The following ARSG variants were observed in gnomAD, a reference collection of about 807,000 sequenced individuals.
ARSG encodes the protein arylsulfatase G, also known as ASG.
A neutral mutation model predicts 50.5 loss-of-function variants in ARSG; 37 were observed. The ratio of observed to expected loss-of-function variants is 0.73; its 90% confidence interval spans 0.56 to 0.96. The LOEUF (loss-of-function observed/expected upper bound fraction) is 0.96. ARSG is among the 50% of genes least tolerant of loss of function. ARSG has a pLI of 0.00. For synonymous variants in ARSG, 225 were observed against 254.6 expected (o/e 0.88, Z 1.11); for missense variants, 629 against 675.3 (o/e 0.93, Z 0.76).
chr17:68,421,654 A>C (rs2082781493), downstream of ARSG: 15 of 1,395,126 alleles, frequency 1.1e-5, no homozygotes, highest in East Asian at 2.3e-5. Flanking sequence ...GCAGTGGAGC[A>C]CCCGGGATTC....
At chr17:68,425,924 C>T (rs56196726), downstream of ARSG, 59 of 659,946 alleles carry the variant, frequency 8.9e-5, 1 homozygote, top group African/African-American at 7.5e-4. Context: ...CACAGTACAA[C>T]AAATATCCTA....
rs1310368565 is a variant in ARSG, at chr17:68,367,976, G to A, written c.705-572G>A. On this transcript the variant is annotated intron_variant, in intron 6 of 11. Transcript: ENST00000621439. This position sits in a 1 kb window ranked among gnomAD's most constrained non-coding sequence, Gnocchi z 4.5. ...TTCCAGCTACTCAGGAGGCTGAGGC[G>A]GGAGTATCGCTTGAACCCAGGAGGC... 6.6e-5 allele frequency among the ~76,000 whole-genome samples: 10 copies of A among 152,090 alleles called. No homozygotes were observed. Among genetic ancestry groups the A allele is most frequent in the Middle Eastern group, 3.2e-3 (1 of 316 alleles).
intron 2 of ARSG, among the ~76,000 whole-genome samples, chr17:68,338,199 T>C (rs2078113530): frequency 6.6e-6 from 1 of 151,744 alleles, no homozygotes; most frequent in African/African-American, 2.4e-5. Context: ...TGTGTGTGTG[T>C]GCATGCATGT....
rs140021516 is a variant in ARSG at position 68,310,996 on chromosome 17, A to G, written c.218+3285A>G. 5.8e-4 allele frequency among the ~76,000 whole-genome samples: 89 copies of G among 152,298 alleles called. 1 individual carries two copies. In the Middle Eastern group the frequency reaches 0.014, roughly 23 times the overall value. On this transcript the variant is annotated intron_variant, in intron 2 of 11. Coordinates refer to ENST00000621439, the MANE Select transcript of ARSG (RefSeq NM_001267727.2). ...TGGGCACATCACTTGACAGGAGTTC[A>G]AGACCAGCCTGGCCAACATGGCGAA...
chr17:68,417,732 A>ATT (rs1228418754), intron 11 of ARSG, among the ~76,000 whole-genome samples: 6 of 63,188 alleles, frequency 9.5e-5, no homozygotes, highest in Non-Finnish European at 1.7e-4. Flanking sequence ...AGAGTTGCTG[A>ATT]ATTTTTTTTT....
chr17:68,349,576 T>G (rs139663665), intron 4 of ARSG, among the ~76,000 whole-genome samples: 28 of 152,112 alleles, frequency 1.8e-4, no homozygotes, highest in African/African-American at 4.8e-4. Context: ...CATGAAGATA[T>G]CAATTTTTTA....
the ARSG span, among the ~76,000 whole-genome samples, chr17:68,450,523 G>C: frequency 1.3e-5 from 2 of 152,216 alleles, no homozygotes; most frequent in African/African-American, 4.8e-5. Flanking sequence ...GGAAACATGA[G>C]CCAGAGGTCT....
chr17:68,315,674 C>G (rs923337719), intron 2 of ARSG, among the ~76,000 whole-genome samples: 1 of 152,134 alleles, frequency 6.6e-6, no homozygotes, highest in East Asian at 1.9e-4. Context: ...GCTCTATCGC[C>G]TAGGCTGGAG....
At chr17:68,434,748 G>A in the ARSG span, 90,302 of 910,482 alleles carry the variant, frequency 0.099, 5,462 homozygotes, top group South Asian at 0.19. Flanking sequence ...AGAACACCAC[G>A]TTGAGCATAG....
the ARSG span, among the ~76,000 whole-genome samples, chr17:68,443,415 C>T: frequency 6.6e-6 from 1 of 152,124 alleles, no homozygotes; most frequent in Non-Finnish European, 1.5e-5. Flanking sequence ...ACCCGGCTAG[C>T]TTTGTTCTTT....
chr17:68,413,198 T>C (rs1435065539), intron 11 of ARSG, among the ~76,000 whole-genome samples: 1 of 152,236 alleles, frequency 6.6e-6, no homozygotes, highest in African/African-American at 2.4e-5. Flanking sequence ...AGAGGCGCTC[T>C]GCTTTTTAGA....
intron 2 of ARSG, among the ~76,000 whole-genome samples, chr17:68,313,267 A>T (rs561465405): frequency 6.6e-6 from 1 of 152,172 alleles, no homozygotes; most frequent in Non-Finnish European, 1.5e-5. Flanking sequence ...TCTCAAAAAA[A>T]ACAAAAATAA....
At chr17:68,322,325 G>A (rs4023107) in intron 2 of ARSG, among the ~76,000 whole-genome samples, 24,563 of 152,146 alleles carry the variant, frequency 0.16, 2,213 homozygotes, top group Middle Eastern at 0.26. Flanking sequence ...ACTGCATCCC[G>A]CTGTAGAAAT....
chr17:68,274,706 A>T (rs2145004837), intron 1 of ARSG: 1 of 152,186 alleles, frequency 6.6e-6, no homozygotes, highest in Middle Eastern at 3.4e-3. Flanking sequence ...TGATTGCTTG[A>T]ATTATTTTTT....
the ARSG span, among the ~76,000 whole-genome samples, chr17:68,436,993 CAAAAAAAA>C: frequency 0.61 from 75,333 of 124,318 alleles, 19,942 homozygotes; most frequent in African/African-American, 0.68. Context: ...GACCCCGTCT[CAAAAAAAA>C]AAAAATATAT....
intron 2 of ARSG, among the ~76,000 whole-genome samples, chr17:68,312,520 T>C (rs1246223067): frequency 6.6e-6 from 1 of 152,122 alleles, no homozygotes; most frequent in Non-Finnish European, 1.5e-5. Context: ...GTTTTTTTTT[T>C]CTCATGTGCT....
chr17:68,336,240 C>T (rs2078014006), intron 2 of ARSG, among the ~76,000 whole-genome samples: 1 of 151,472 alleles, frequency 6.6e-6, no homozygotes, highest in South Asian at 2.1e-4. Context: ...GACAGACTCT[C>T]ACTCTGTCGC....
chr17:68,397,845 C>A (rs1429901824), intron 10 of ARSG, among the ~76,000 whole-genome samples: 3 of 152,164 alleles, frequency 2.0e-5, no homozygotes, highest in Non-Finnish European at 2.9e-5. Flanking sequence ...TGGCTCACTG[C>A]AACCTCCACC....
Position 68,274,942 on chromosome 17 carries a change from G to C in ARSG, c.-552+15516G>C, listed in dbSNP as rs374399675. The stretch of plus-strand genomic sequence containing the variant: ...ATTACAGGCATGTGCCACCATGCCC[G>C]GCTGATTGTGTATTTTTAGTAGAGA... On this transcript the variant is annotated intron_variant, in intron 1 of 11. Transcript: ENST00000448504. Among the ~76,000 whole-genome samples, 227 of 152,186 alleles carry C rather than the reference G, an allele frequency of 1.5e-3. 2 individuals are homozygous for C. The highest frequency in any genetic ancestry group is 5.1e-3 in the African/African-American group (211 of 41,512).
Sources: gnomAD v4.1 joint callset for allele counts (sites outside exome capture counted in the v4.1 genomes callset) on GRCh38, gnomAD v4.1.1 for gene constraint, Gnocchi (gnomAD v3.1) non-coding constraint, MANE v1.5 for transcripts, NCBI Gene and HGNC (gene_info 2026-07-23, HGNC 2026-07-21) for gene names.